Variants in FBN1 observed in about 807,000 individuals in gnomAD.
FBN1 encodes fibrillin 1, also known as fibrillin-1.
FBN1 carries 29 observed loss-of-function variants against 365.1 expected under a neutral mutation model. The ratio of observed to expected loss-of-function variants is 0.08; its 90% CI spans 0.06 to 0.11. The LOEUF is 0.11. Among genes scored for constraint, FBN1 ranks in the 10% least tolerant of loss-of-function variants. The pLI is 1.00. For synonymous variants in FBN1, 1,210 were observed against 1,270.5 expected (o/e 0.95, Z 1.01); for missense variants, 2,476 against 3,703.2 (o/e 0.67, Z 8.60).
chr15:48,565,212 C>A (rs1466232295), intron 6 of FBN1, among the ~76,000 whole-genome samples: 1 of 152,126 alleles, frequency 6.6e-6, no homozygotes, highest in Non-Finnish European at 1.5e-5. Context: ...GTAAGTGCAT[C>A]ATACATATTA....
At position 48,425,766 on chromosome 15, in the gene FBN1, G is replaced by T. The variant is rs1184775982; in HGVS notation, c.7303C>A (p.Pro2435Thr). ...ACACAGGAAGTCCCAGTTATATCTG[G>T]AGTGTACCCAGTTTTACAAATGCAA... Reference protein sequence around the residue: ...YHCICKTGYTPDITGTSCVDL... With the variant: ...YHCICKTGYTTDITGTSCVDL... The change falls in exon 59 of 66, where the codon CCA becomes ACA. Residue 2435 changes from proline (P) to threonine (T), a missense_variant. This residue lies in a region of FBN1 where 1,780 missense variants were observed against 2,840.8 expected (regional missense o/e 0.63). Transcript: ENST00000316623. 6.2e-7 allele frequency: 1 copy of T among 1,613,278 alleles called. No individual in the cohort carries two copies. The highest frequency in any genetic ancestry group is 8.5e-7 in the Non-Finnish European group (1 of 1,179,478).
intron 4 of FBN1, among the ~76,000 whole-genome samples, chr15:48,604,703 T>G (rs1483778417): frequency 6.6e-6 from 1 of 152,170 alleles, no homozygotes; most frequent in Non-Finnish European, 1.5e-5. Context: ...CCATGCATGC[T>G]TCTCCTCCCA....
intron 63 of FBN1, among the ~76,000 whole-genome samples, chr15:48,417,826 T>C (rs538175299): frequency 2.0e-4 from 31 of 152,202 alleles, no homozygotes; most frequent in Non-Finnish European, 4.1e-4. Context: ...AGAACACCCC[T>C]GGGCTGATGT....
chr15:48,498,635 G>A (rs1344985657), intron 18 of FBN1, among the ~76,000 whole-genome samples: 5 of 152,058 alleles, frequency 3.3e-5, no homozygotes, highest in Non-Finnish European at 7.4e-5. Flanking sequence ...CCATCATCCC[G>A]AGTGGTACTT....
chr15:48,582,567 G>A (rs2044403047), intron 6 of FBN1, among the ~76,000 whole-genome samples: 1 of 152,206 alleles, frequency 6.6e-6, no homozygotes, highest in Non-Finnish European at 1.5e-5. Context: ...AATGTATCTA[G>A]TGACTGACGT....
intron 43 of FBN1, among the ~76,000 whole-genome samples, chr15:48,458,928 T>C (rs1054249168): frequency 6.6e-6 from 1 of 152,230 alleles, no homozygotes; most frequent in African/African-American, 2.4e-5. Flanking sequence ...AAATAACAGA[T>C]GTCCAGTTTT....
intron 32 of FBN1, among the ~76,000 whole-genome samples, chr15:48,481,444 C>T (rs559792042): frequency 1.3e-4 from 20 of 151,906 alleles, no homozygotes; most frequent in African/African-American, 4.6e-4. Flanking sequence ...CCTTTTTCCC[C>T]CCACAGGTCA....
In FBN1 at chr15:48,586,899, A is replaced by C. The variant is rs192192889; in HGVS notation, c.538+9384T>G. The stretch of plus-strand genomic sequence containing the variant: ...CAGATCTCCAAGATGAAGACATTAA[A>C]GGTGTTAAGGGAAAACAAATTGGAA... On this transcript the variant is annotated intron_variant, in intron 6 of 65. Coordinates refer to ENST00000316623, the MANE Select transcript of FBN1 (RefSeq NM_000138.5). Among the ~76,000 whole-genome samples the C allele has an allele frequency of 6.9e-3, 1,056 of 152,366 alleles. 4 individuals carry two copies. The highest frequency in any genetic ancestry group is 0.011 in the Admixed American group (175 of 15,308).
At chr15:48,645,020 C>T in intron 1 of FBN1, 70 bp from the exon 2 acceptor site, 1 of 320,192 alleles carries the variant, frequency 3.1e-6, no homozygotes, top group Non-Finnish European at 5.5e-6. Context: ...GCCTCGCGGT[C>T]CCCATTCCCA....
At chr15:48,540,463 A>G (rs1224523107) in intron 6 of FBN1, among the ~76,000 whole-genome samples, 2 of 152,268 alleles carry the variant, frequency 1.3e-5, no homozygotes, top group South Asian at 2.1e-4. Context: ...AATAAATGCT[A>G]TTCTACAATA....
chr15:48,520,669 G>A lies in FBN1; in HGVS notation c.1137C>T (p.Ile379=). 6.2e-7 allele frequency: 1 copy of A among 1,614,110 alleles called. No homozygotes were observed. The highest frequency in any genetic ancestry group is 8.5e-7 in the Non-Finnish European group (1 of 1,180,012). The part of the protein sequence containing the change: ...GVTVAPEMCP[I]RATEDFNKLC... ...TGGAAGGGCTCTTACCGGTTGCTCT[G>A]ATGGGACACATCTCAGGGGCGACAG... The change falls in exon 10 of 66, where the codon ATC becomes ATT. Residue 379 remains isoleucine, a synonymous_variant. Transcript: ENST00000316623.
chr15:48,464,722 T>C (rs933826298), intron 40 of FBN1, among the ~76,000 whole-genome samples: 1 of 152,174 alleles, frequency 6.6e-6, no homozygotes, highest in African/African-American at 2.4e-5. Flanking sequence ...AAATCTATGA[T>C]AGGGTATATA....
chr15:48,513,737 T>C (rs1173950045), intron 12 of FBN1, 69 bp from the exon 13 acceptor site: 2 of 1,573,610 alleles, frequency 1.3e-6, no homozygotes, highest in African/African-American at 2.7e-5. Context: ...ACTTTCTGGG[T>C]TCCTTTTATA....
At chr15:48,444,759 A>G in intron 48 of FBN1, 99 bp from the exon 49 acceptor site, 7 of 1,306,284 alleles carry the variant, frequency 5.4e-6, no homozygotes, top group Non-Finnish European at 7.6e-6. Context: ...AAAGAAATAC[A>G]TAAAGCAAAT....
intron 6 of FBN1, among the ~76,000 whole-genome samples, chr15:48,588,688 G>A (rs2044453993): frequency 1.3e-5 from 2 of 152,190 alleles, no homozygotes; most frequent in Admixed American, 1.3e-4. Context: ...TGCAAAGTGG[G>A]TGATGATGAC....
chr15:48,465,027 C>T (rs577584857), intron 40 of FBN1, among the ~76,000 whole-genome samples: 259 of 152,314 alleles, frequency 1.7e-3, no homozygotes, highest in Admixed American at 6.9e-3. Context: ...TAGATGAAAA[C>T]CATGGCTCAT....
chr15:48,452,322 T>C (rs2043207473), intron 45 of FBN1, among the ~76,000 whole-genome samples: 1 of 152,222 alleles, frequency 6.6e-6, no homozygotes. Flanking sequence ...AATCTATGTA[T>C]GCGAATGATT....
intron 2 of FBN1, chr15:48,642,114 A>C (rs1456813313): frequency 6.6e-6 from 1 of 152,282 alleles, no homozygotes; most frequent in African/African-American, 2.4e-5. Context: ...GGTAGGGCGC[A>C]GTGGCTCAAG....
At chr15:48,454,127 G>C (rs1041948128) in intron 44 of FBN1, among the ~76,000 whole-genome samples, 1 of 152,206 alleles carries the variant, frequency 6.6e-6, no homozygotes, top group Non-Finnish European at 1.5e-5. Flanking sequence ...AAGTCCACAT[G>C]AATCACTTGG....
Sources: gnomAD v4.1 joint callset for allele counts (sites outside exome capture counted in the v4.1 genomes callset) on GRCh38, gnomAD v4.1.1 for gene constraint, gnomAD v4.1.1 regional missense constraint, MANE v1.5 for transcripts, NCBI Gene and HGNC (gene_info 2026-07-23, HGNC 2026-07-21) for gene names.